The following PRELID2 variants were observed in gnomAD, a reference collection of about 807,000 sequenced individuals.
PRELID2 encodes the protein PRELI domain containing 2.
PRELID2 carries 25 observed loss-of-function variants against 28.4 expected under a neutral mutation model. The observed-to-expected ratio is 0.88, with a 90% confidence interval of 0.64 to 1.23. The LOEUF is 1.23. Ranked by LOEUF, PRELID2 falls within the 50% of genes most tolerant of loss-of-function variation. The probability of loss-of-function intolerance (pLI) is 0.00; values close to 1 mark genes in which losing one functional copy is unlikely to be tolerated. For synonymous variants in PRELID2, 76 were observed against 71.6 expected (o/e 1.06, Z -0.31); for missense variants, 201 against 214.4 (o/e 0.94, Z 0.39).
intron 1 of PRELID2, among the ~76,000 whole-genome samples, chr5:145,616,066 C>T (rs551253506): frequency 7.9e-5 from 12 of 152,176 alleles, no homozygotes; most frequent in Non-Finnish European, 1.8e-4. Context: ...GAAGATAGGG[C>T]CCCAATCCTT....
chr5:145,472,701 G>A (rs1752065352), intron 2 of PRELID2, among the ~76,000 whole-genome samples: 1 of 152,084 alleles, frequency 6.6e-6, no homozygotes, highest in South Asian at 2.1e-4. Flanking sequence ...TCTAGACTCA[G>A]TTTCCTCAGT....
the PRELID2 span, among the ~76,000 whole-genome samples, chr5:145,301,732 C>T: frequency 2.6e-5 from 4 of 152,006 alleles, no homozygotes; most frequent in African/African-American, 4.8e-5. Context: ...GTTGAAAGTA[C>T]TTTTCCTTTC....
chr5:145,235,846 C>T, the PRELID2 span, among the ~76,000 whole-genome samples: 5 of 151,896 alleles, frequency 3.3e-5, no homozygotes, highest in Non-Finnish European at 5.9e-5. Flanking sequence ...TATTTTTGTC[C>T]TATAATAAAG....
the PRELID2 span, among the ~76,000 whole-genome samples, chr5:145,236,436 C>T: frequency 1.3e-5 from 2 of 152,244 alleles, no homozygotes; most frequent in East Asian, 3.9e-4. Flanking sequence ...AGGTAAAAGC[C>T]TCAGACATCT....
chr5:145,327,245 T>C, the PRELID2 span, among the ~76,000 whole-genome samples: 2 of 152,284 alleles, frequency 1.3e-5, no homozygotes, highest in African/African-American at 4.8e-5. Context: ...ATTGTATTGC[T>C]GATAATTTCC....
chr5:145,344,106 G>A, the PRELID2 span, among the ~76,000 whole-genome samples: 1 of 152,046 alleles, frequency 6.6e-6, no homozygotes, highest in East Asian at 1.9e-4. Flanking sequence ...CAAATCTCCT[G>A]AAATTATTCC....
chr5:145,508,329 C>A (rs953867100), intron 1 of PRELID2, among the ~76,000 whole-genome samples: 5 of 151,824 alleles, frequency 3.3e-5, no homozygotes, highest in African/African-American at 1.2e-4. Context: ...ATTAATCAAT[C>A]TTTTTTCTCC....
chr5:145,261,920 A>G, the PRELID2 span, among the ~76,000 whole-genome samples: 3 of 152,206 alleles, frequency 2.0e-5, no homozygotes, highest in African/African-American at 7.2e-5. Context: ...GGTGAAGTTC[A>G]ACGTAAATAA....
chr5:145,764,751 T>C (rs139102448), intron 6 of PRELID2, among the ~76,000 whole-genome samples, 180 bp downstream of exon 6: 11 of 152,252 alleles, frequency 7.2e-5, no homozygotes, highest in Middle Eastern at 3.4e-3. Flanking sequence ...GCTCTGAAAA[T>C]CAAAGAACCA....
chr5:145,314,790 CT>C, the PRELID2 span, among the ~76,000 whole-genome samples: 1 of 151,764 alleles, frequency 6.6e-6, no homozygotes, highest in Non-Finnish European at 1.5e-5. Context: ...AAACAATTAA[CT>C]TTTGACATTT....
chr5:145,719,530 C>T (rs557801057), intron 1 of PRELID2, among the ~76,000 whole-genome samples: 2 of 151,770 alleles, frequency 1.3e-5, no homozygotes, highest in South Asian at 2.1e-4. Context: ...GGAATACATA[C>T]ATATGTGCAT....
chr5:145,521,996 G>A (rs369058946), intron 1 of PRELID2, among the ~76,000 whole-genome samples: 224 of 152,138 alleles, frequency 1.5e-3, no homozygotes, highest in Non-Finnish European at 2.4e-3. Flanking sequence ...GAAAATTGCC[G>A]TGCTGCTTTT....
At chr5:145,477,809 T>A (rs1752117010) in intron 1 of PRELID2, among the ~76,000 whole-genome samples, 1 of 151,908 alleles carries the variant, frequency 6.6e-6, no homozygotes, top group Non-Finnish European at 1.5e-5. Flanking sequence ...TATAAATACC[T>A]TTTTAGTCAA....
At chr5:145,245,884 G>A in the PRELID2 span, among the ~76,000 whole-genome samples, 3 of 151,890 alleles carry the variant, frequency 2.0e-5, no homozygotes, top group Admixed American at 2.0e-4. Context: ...AAAAAGCACC[G>A]TGGCACTCAA....
At chr5:145,606,666 C>T (rs1176477394) in intron 1 of PRELID2, among the ~76,000 whole-genome samples, 2 of 152,064 alleles carry the variant, frequency 1.3e-5, no homozygotes, top group South Asian at 2.1e-4. Context: ...ATTCAACTTG[C>T]TAGTATTTTG....
In PRELID2 at chr5:145,515,595, C is replaced by T. The variant is rs141293682; in HGVS notation, n.71-42280G>A. On this transcript the variant is annotated intron_variant and non_coding_transcript_variant, in intron 1 of 2. Coordinates refer to the PRELID2 transcript ENST00000510259. ...GAAGCTGGTACCATTCCTTCTGAAA[C>T]TATTCCAAACAATAGAAAAAGAGGT... 5.1e-3 allele frequency among the ~76,000 whole-genome samples: 781 copies of T among 152,292 alleles called. 11 individuals are homozygous for T. Among genetic ancestry groups the T allele is most frequent in the African/African-American group, 0.017 (713 of 41,554 alleles).
At chr5:145,266,506 C>G in the PRELID2 span, among the ~76,000 whole-genome samples, 1 of 152,054 alleles carries the variant, frequency 6.6e-6, no homozygotes, top group Non-Finnish European at 1.5e-5. Flanking sequence ...CTTACTCCTA[C>G]AAGAGTGGTC....
the PRELID2 span, among the ~76,000 whole-genome samples, chr5:145,337,721 ATATATATATACT>A: frequency 5.5e-5 from 2 of 36,658 alleles, no homozygotes; most frequent in Non-Finnish European, 9.8e-5. Flanking sequence ...ATATATATAT[ATATATATATACT>A]CACACACACA....
the PRELID2 span, chr5:145,229,140 G>A: frequency 1.8e-6 from 2 of 1,125,778 alleles, no homozygotes; most frequent in Non-Finnish European, 2.7e-6. Flanking sequence ...CCAGCGGGTG[G>A]GGGCCAAGTG....
Sources: gnomAD v4.1 joint callset for allele counts (sites outside exome capture counted in the v4.1 genomes callset) on GRCh38, gnomAD v4.1.1 for gene constraint, MANE v1.5 for transcripts, NCBI Gene and HGNC (gene_info 2026-07-23, HGNC 2026-07-21) for gene names.